The following SWT1 variants were observed in gnomAD, a reference collection of about 807,000 sequenced individuals.
The protein encoded by SWT1 is SWT1 RNA endoribonuclease homolog, also known as transcriptional protein SWT1.
In SWT1, 33 loss-of-function variants were observed where a neutral mutation model predicts 107.3. That is an observed-to-expected ratio of 0.31 (90% CI 0.23 to 0.41). The LOEUF is 0.41. Ranked by LOEUF, SWT1 falls within the 10% of genes least tolerant of loss-of-function variation. The probability of loss-of-function intolerance (pLI) is 1.00; values close to 1 mark genes in which losing one functional copy is unlikely to be tolerated. For missense variants in SWT1, 898 were observed against 1,028.9 expected, an observed-to-expected ratio of 0.87 and a Z score of 1.74; for synonymous variants, 345 against 348.3, an observed-to-expected ratio of 0.99 and a Z score of 0.11.
rs559519198 is a variant in SWT1, at chr1:185,234,985, AC to A, written c.2441+3278del. Among the ~76,000 whole-genome samples the A allele has an allele frequency of 1.7e-3, 263 of 152,346 alleles. 2 individuals are homozygous for A. Among genetic ancestry groups the A allele is most frequent in the African/African-American group, 6.0e-3 (251 of 41,582 alleles). On this transcript the variant is annotated intron_variant, in intron 16 of 18. Coordinates refer to ENST00000367500, the MANE Select transcript of SWT1 (RefSeq NM_017673.7). ...AGAAGAATTGGATAAATTTCTGGAC[AC>A]ATACACCCTCCCAAGACCAAACCAG...
intron 16 of SWT1, among the ~76,000 whole-genome samples, chr1:185,249,559 A>G (rs1468968932): frequency 6.6e-6 from 1 of 152,098 alleles, no homozygotes; most frequent in Non-Finnish European, 1.5e-5. Context: ...CTCCCTGGGT[A>G]TGGCTCCTTC....
intron 16 of SWT1, among the ~76,000 whole-genome samples, chr1:185,237,334 A>G (rs1660960100): frequency 1.3e-5 from 2 of 152,232 alleles, no homozygotes; most frequent in South Asian, 4.1e-4. Context: ...GGATAAAGAA[A>G]GTGTGGCACA....
intron 2 of SWT1, 129 bp downstream of exon 2, chr1:185,161,054 A>G: frequency 1.4e-6 from 1 of 705,084 alleles, no homozygotes; most frequent in Non-Finnish European, 2.3e-6. Context: ...AGGAAAAGTC[A>G]TTTGCTTTTC....
intron 18 of SWT1, among the ~76,000 whole-genome samples, chr1:185,277,665 T>A (rs547599575): frequency 2.1e-4 from 32 of 152,202 alleles, no homozygotes; most frequent in Non-Finnish European, 3.7e-4. Context: ...TTAGATTCCC[T>A]GTGGTCCCCA....
At chr1:185,197,476 T>A (rs1345928040) in intron 10 of SWT1, among the ~76,000 whole-genome samples, 1 of 152,216 alleles carries the variant, frequency 6.6e-6, no homozygotes, top group Non-Finnish European at 1.5e-5. Flanking sequence ...GCTGGCCTCA[T>A]GCGTTAGGGA....
At chr1:185,250,123 G>A (rs940380560) in intron 16 of SWT1, among the ~76,000 whole-genome samples, 1 of 152,054 alleles carries the variant, frequency 6.6e-6, no homozygotes, top group African/African-American at 2.4e-5. Flanking sequence ...ATGCTCTTAT[G>A]ATTTTATTTT....
intron 11 of SWT1, among the ~76,000 whole-genome samples, chr1:185,203,237 T>A (rs1022398370): frequency 1.3e-5 from 2 of 152,096 alleles, no homozygotes; most frequent in Non-Finnish European, 2.9e-5. Flanking sequence ...TTTCTATTTA[T>A]AACCTATTAA....
In SWT1 at chr1:185,221,956, T is replaced by C; in HGVS notation, c.2229T>C (p.Ser743=). 1 of 1,612,850 alleles carries C rather than the reference T, an allele frequency of 6.2e-7. No homozygotes were observed. The change falls in exon 15 of 19, where the codon AGT becomes AGC. Residue 743 remains serine (S), a synonymous_variant. Coordinates refer to ENST00000367500, the MANE Select transcript of SWT1 (RefSeq NM_017673.7). ...SHNQEITVFS[S]SHLPQPSRHQ... ...ATCAAGAAATCACTGTTTTCTCGAG[T>C]TCTCATCTTCCCCAACCCAGCAGGC...
At chr1:185,181,341 T>G (rs1416964125) in intron 6 of SWT1, among the ~76,000 whole-genome samples, 1 of 152,260 alleles carries the variant, frequency 6.6e-6, no homozygotes, top group Non-Finnish European at 1.5e-5. Context: ...TTTTCTGTTT[T>G]GAGGTGCTCC....
At chr1:185,268,161 C>A (rs960621639) in intron 16 of SWT1, among the ~76,000 whole-genome samples, 2 of 152,088 alleles carry the variant, frequency 1.3e-5, no homozygotes, top group Admixed American at 1.3e-4. Context: ...ATCATATATC[C>A]TATAACATAT....
chr1:185,180,566 C>G (rs1298908990), intron 6 of SWT1, 116 bp downstream of exon 6: 1 of 738,038 alleles, frequency 1.4e-6, no homozygotes, highest in East Asian at 2.7e-5. Context: ...AATGATGTCT[C>G]TATTTAAATC....
chr1:185,178,729 C>T (rs912512393), intron 5 of SWT1, among the ~76,000 whole-genome samples: 4 of 152,006 alleles, frequency 2.6e-5, no homozygotes, highest in African/African-American at 9.7e-5. Flanking sequence ...TAATCTCTGG[C>T]TTGTTTGGCA....
intron 4 of SWT1, among the ~76,000 whole-genome samples, chr1:185,170,398 T>A (rs949650725): frequency 1.3e-5 from 2 of 152,216 alleles, no homozygotes; most frequent in Non-Finnish European, 2.9e-5. Flanking sequence ...CCACTGTTTG[T>A]ACAATGACTT....
chr1:185,256,414 ACACCAAT>A (rs1299877593), intron 16 of SWT1, among the ~76,000 whole-genome samples: 3 of 151,174 alleles, frequency 2.0e-5, no homozygotes, highest in African/African-American at 7.3e-5. Flanking sequence ...ACTTTCAGGT[ACACCAAT>A]CAGACGTAGA....
intron 14 of SWT1, among the ~76,000 whole-genome samples, chr1:185,218,404 G>A (rs72724117): frequency 0.049 from 7,389 of 152,094 alleles, 269 homozygotes; most frequent in Middle Eastern, 0.082. Flanking sequence ...CCTTGACCTC[G>A]TGTCAAATGA....
In SWT1 at chr1:185,174,438, T is replaced by C; in HGVS notation, c.291T>C (p.Ile97=). ...TCGGTTCTTCATCCCAAAGACCTAT[T>C]AAACTCAAAGAAGCATCATATTCAA... ...PKIGSSSQRP[I]KLKEASYSND... is the part of the protein sequence containing the mutation. Residue 97 remains isoleucine, a synonymous_variant, in exon 5 of 19, where the codon ATT becomes ATC. Coordinates refer to ENST00000367500, the MANE Select transcript of SWT1 (RefSeq NM_017673.7). 6.2e-7 allele frequency: 1 copy of C among 1,602,930 alleles called. No individual in the cohort carries two copies. Among genetic ancestry groups the C allele is most frequent in the Middle Eastern group, 1.7e-4 (1 of 5,986 alleles).
intron 10 of SWT1, among the ~76,000 whole-genome samples, chr1:185,201,399 T>C (rs899922687): frequency 1.3e-5 from 2 of 152,172 alleles, no homozygotes; most frequent in Admixed American, 1.3e-4. Flanking sequence ...CGAGGGAATC[T>C]CCTGGTCTGC....
intron 15 of SWT1, among the ~76,000 whole-genome samples, chr1:185,228,181 A>ATG (rs1660230415): frequency 7.1e-6 from 1 of 140,094 alleles, no homozygotes; most frequent in African/African-American, 2.9e-5. Context: ...ATATATATAT[A>ATG]TATATATACA....
At chr1:185,252,351 T>C (rs1047921401) in intron 16 of SWT1, among the ~76,000 whole-genome samples, 155 of 152,312 alleles carry the variant, frequency 1.0e-3, no homozygotes, top group Admixed American at 3.6e-3. Flanking sequence ...CCTGAGGAAT[T>C]GCCACACTGA....
Sources: gnomAD v4.1 joint callset for allele counts (sites outside exome capture counted in the v4.1 genomes callset) on GRCh38, gnomAD v4.1.1 for gene constraint, MANE v1.5 for transcripts, NCBI Gene and HGNC (gene_info 2026-07-23, HGNC 2026-07-21) for gene names.